CASS4: variants seen among roughly 807,000 people sequenced by gnomAD.
CASS4 encodes Cas scaffold protein family member 4, also known as cas scaffolding protein family member 4.
Under a neutral mutation model 54.2 loss-of-function variants are expected in CASS4, and 22 were observed. That is an observed-to-expected ratio of 0.41 (90% CI 0.29 to 0.58). CASS4 has a LOEUF of 0.58. CASS4 is among the 20% of genes least tolerant of loss of function. The pLI is 0.36. For missense variants in CASS4, 854 were observed against 986.7 expected, an observed-to-expected ratio of 0.87 and a Z score of 1.80; for synonymous variants, 409 against 391.5, an observed-to-expected ratio of 1.04 and a Z score of -0.53.
At chr20:56,415,883 C>G (rs1263105729) in intron 1 of CASS4, among the ~76,000 whole-genome samples, 1 of 152,160 alleles carries the variant, frequency 6.6e-6, no homozygotes, top group Non-Finnish European at 1.5e-5. Context: ...CTGATTTATT[C>G]TATTTTTTAA....
chr20:56,419,890 A>G (rs1024040700), intron 1 of CASS4, among the ~76,000 whole-genome samples: 7 of 152,258 alleles, frequency 4.6e-5, no homozygotes, highest in Non-Finnish European at 8.8e-5. Flanking sequence ...TAAAAACACA[A>G]AAATTAGCTG....
chr20:56,435,917 A>AT (rs955651313), intron 1 of CASS4, among the ~76,000 whole-genome samples: 6 of 151,684 alleles, frequency 4.0e-5, no homozygotes, highest in South Asian at 2.1e-4. Context: ...TGCCCAGCTA[A>AT]TTTTTTTTAT....
At chr20:56,419,007 G>GA (rs76074215) in intron 1 of CASS4, among the ~76,000 whole-genome samples, 2 of 152,006 alleles carry the variant, frequency 1.3e-5, no homozygotes, top group Non-Finnish European at 2.9e-5. Context: ...CACTTGGGGG[G>GA]AAAAAAAGCT....
At chr20:56,422,892 G>A (rs1375919838) in intron 1 of CASS4, among the ~76,000 whole-genome samples, 8 of 152,118 alleles carry the variant, frequency 5.3e-5, no homozygotes, top group East Asian at 1.9e-4. Flanking sequence ...AAGTTCACCC[G>A]GTTCATTCAC....
Position 56,459,515 on chromosome 20 carries a change from A to T in CASS4, c.*768A>T, listed in dbSNP as rs1047827098. 8 of 251,968 alleles carry T rather than the reference A, an allele frequency of 3.2e-5. No homozygotes were observed. The highest frequency in any genetic ancestry group is 1.9e-4 in the African/African-American group (8 of 43,144). 15.6% of individuals were successfully genotyped at this position (251,968 alleles called of 1,614,324 possible). ...CAGTTTTCATCTGAATCCACTGGGG[A>T]GTGGGGCGATTTTGTTTTAATTTCT... is the stretch of plus-strand genomic sequence containing the variant. On this transcript the variant is annotated 3_prime_UTR_variant, in exon 6 of 6. Coordinates refer to ENST00000679887, the MANE Select transcript of CASS4 (RefSeq NM_020356.4).
intron 3 of CASS4, 22 bp downstream of exon 3, chr20:56,446,023 C>G (rs746546964): frequency 6.6e-7 from 1 of 1,524,226 alleles, no homozygotes; most frequent in South Asian, 1.1e-5. Context: ...TCAGGGGCCC[C>G]TCATCACCCA....
intron 2 of CASS4, among the ~76,000 whole-genome samples, chr20:56,442,665 TA>T (rs11476843): frequency 0.37 from 55,519 of 149,350 alleles, 11,546 homozygotes; most frequent in East Asian, 0.58. Flanking sequence ...TGGCCTAATT[TA>T]AAAAAAAAAC....
chr20:56,436,746 G>A (rs764508542), intron 1 of CASS4, among the ~76,000 whole-genome samples: 9 of 152,018 alleles, frequency 5.9e-5, no homozygotes, highest in Non-Finnish European at 1.3e-4. Context: ...ATTTAGCCCG[G>A]GGTGGCGGCA....
intron 2 of CASS4, among the ~76,000 whole-genome samples, chr20:56,444,153 G>A (rs906190172): frequency 6.6e-6 from 1 of 152,148 alleles, no homozygotes; most frequent in African/African-American, 2.4e-5. Flanking sequence ...CATCCAAGCC[G>A]TACACATCCA....
intron 1 of CASS4, among the ~76,000 whole-genome samples, chr20:56,413,257 TTG>T (rs1978969967): frequency 1.3e-5 from 2 of 151,756 alleles, no homozygotes; most frequent in African/African-American, 4.8e-5. Flanking sequence ...AAGCTCAAGG[TTG>T]TGTTTTCATC....
intron 1 of CASS4, among the ~76,000 whole-genome samples, chr20:56,426,881 C>G (rs1243675860): frequency 6.6e-6 from 1 of 152,178 alleles, no homozygotes; most frequent in Non-Finnish European, 1.5e-5. Context: ...ACCCAGCCAG[C>G]TTCTCCCCCT....
At chr20:56,415,771 G>A (rs1398054417) in intron 1 of CASS4, among the ~76,000 whole-genome samples, 1 of 152,216 alleles carries the variant, frequency 6.6e-6, no homozygotes, top group East Asian at 1.9e-4. Context: ...AACAGGGACT[G>A]TTCTCGCAAG....
At chr20:56,415,828 G>A (rs1466495716) in intron 1 of CASS4, among the ~76,000 whole-genome samples, 1 of 152,200 alleles carries the variant, frequency 6.6e-6, no homozygotes, top group African/African-American at 2.4e-5. Flanking sequence ...TGCCAGTAGA[G>A]CTGCTTTCAC....
intron 2 of CASS4, among the ~76,000 whole-genome samples, chr20:56,444,516 C>T (rs1980615310): frequency 6.6e-6 from 1 of 152,170 alleles, no homozygotes; most frequent in African/African-American, 2.4e-5. Flanking sequence ...TAGACAGCAT[C>T]TTCTACTCTA....
At chr20:56,433,432 C>T (rs60905129) in intron 1 of CASS4, among the ~76,000 whole-genome samples, 2 of 152,022 alleles carry the variant, frequency 1.3e-5, no homozygotes, top group East Asian at 3.9e-4. Context: ...TGGGAAGAGG[C>T]AAAATCACAC....
chr20:56,447,476 G>A (rs1980771256), intron 3 of CASS4, among the ~76,000 whole-genome samples: 1 of 152,186 alleles, frequency 6.6e-6, no homozygotes, highest in African/African-American at 2.4e-5. Flanking sequence ...AGGCAGGCAG[G>A]GACAAAGGTC....
rs745327778 is a variant in CASS4 at position 56,445,941 on chromosome 20, G to C, written c.501G>C (p.Pro167=). ...TLPRPVRASL[P]TLPSQVYDVP... ...CCAGACCTGTCCGGGCCTCACTGCC[G>C]ACTCTGCCTTCCCAGGTGTATGACG... The change falls in exon 3 of 6, where the codon CCG becomes CCC. Residue 167 remains proline (P), a synonymous_variant. Coordinates refer to ENST00000679887, the MANE Select transcript of CASS4 (RefSeq NM_020356.4). The C allele has an allele frequency of 2.5e-6, 4 of 1,613,784 alleles. No homozygotes were observed. Among genetic ancestry groups the C allele is most frequent in the Non-Finnish European group, 3.4e-6 (4 of 1,180,000 alleles).
At chr20:56,434,859 T>C (rs1980080253) in intron 1 of CASS4, among the ~76,000 whole-genome samples, 2 of 152,196 alleles carry the variant, frequency 1.3e-5, no homozygotes, top group African/African-American at 4.8e-5. Context: ...TGAACAACTA[T>C]GCAAAAGAAA....
At chr20:56,450,156 C>T (rs990840382) in intron 3 of CASS4, among the ~76,000 whole-genome samples, 6 of 152,004 alleles carry the variant, frequency 3.9e-5, no homozygotes, top group East Asian at 3.9e-4. Context: ...CTCAGCCTCC[C>T]GAGTAGCTGG....
Sources: gnomAD v4.1 joint callset for allele counts (sites outside exome capture counted in the v4.1 genomes callset) on GRCh38, gnomAD v4.1.1 for gene constraint, MANE v1.5 for transcripts, NCBI Gene and HGNC (gene_info 2026-07-23, HGNC 2026-07-21) for gene names.